The following KLHL32 variants were observed in gnomAD, a reference collection of about 807,000 sequenced individuals.
The protein encoded by KLHL32 is kelch-like protein 32.
A neutral mutation model predicts 64.8 loss-of-function variants in KLHL32; 35 were observed. That is an observed-to-expected ratio of 0.54 (90% CI 0.41 to 0.72). The LOEUF (loss-of-function observed/expected upper bound fraction) is 0.72. Among genes scored for constraint, KLHL32 ranks in the 30% least tolerant of loss-of-function variants. The probability of loss-of-function intolerance (pLI) is 0.00; values close to 1 mark genes in which losing one functional copy is unlikely to be tolerated. For synonymous variants in KLHL32, 259 were observed against 281.0 expected (o/e 0.92, Z 0.78); for missense variants, 589 against 768.5 (o/e 0.77, Z 2.76).
the KLHL32 span, among the ~76,000 whole-genome samples, chr6:96,904,468 T>G: frequency 1.3e-5 from 2 of 152,084 alleles, no homozygotes; most frequent in African/African-American, 4.8e-5. Context: ...AACTAAAACT[T>G]AGTAAACCAC....
At chr6:96,942,002 A>C (rs1771349207) in intron 1 of KLHL32, among the ~76,000 whole-genome samples, 2 of 152,336 alleles carry the variant, frequency 1.3e-5, no homozygotes, top group East Asian at 3.9e-4. Flanking sequence ...AAAGACTGGC[A>C]TATGTACTGT....
At chr6:97,027,316 C>T (rs1782870086) in intron 3 of KLHL32, among the ~76,000 whole-genome samples, 1 of 152,200 alleles carries the variant, frequency 6.6e-6, no homozygotes, top group East Asian at 1.9e-4. Context: ...ACCACTCTCA[C>T]TTGAGCTGGA....
intron 1 of KLHL32, among the ~76,000 whole-genome samples, chr6:96,955,423 C>T (rs11153276): frequency 0.15 from 22,423 of 151,976 alleles, 2,244 homozygotes; most frequent in Non-Finnish European, 0.23. Context: ...TTCTCTTGTT[C>T]TCTTTGATCT....
chr6:96,940,966 G>A (rs1444241231), intron 1 of KLHL32, among the ~76,000 whole-genome samples: 1 of 152,192 alleles, frequency 6.6e-6, no homozygotes, highest in African/African-American at 2.4e-5. Context: ...CGTAATAGAT[G>A]ATGTGAAATG....
intron 7 of KLHL32, among the ~76,000 whole-genome samples, chr6:97,115,921 G>A (rs1050024164): frequency 2.0e-5 from 3 of 152,080 alleles, no homozygotes; most frequent in East Asian, 1.9e-4. Context: ...CTCAATAATC[G>A]TCTCTAGTGT....
At chr6:97,034,954 C>T (rs984949795) in intron 3 of KLHL32, among the ~76,000 whole-genome samples, 4 of 152,080 alleles carry the variant, frequency 2.6e-5, no homozygotes, top group Admixed American at 6.5e-5. Flanking sequence ...GGTAATTTCA[C>T]TTTTTCCTCT....
At chr6:96,947,037 A>G (rs532980878) in intron 1 of KLHL32, among the ~76,000 whole-genome samples, 23 of 152,320 alleles carry the variant, frequency 1.5e-4, no homozygotes, top group Admixed American at 2.6e-4. Flanking sequence ...GCATTTGTAA[A>G]TGTTAAAAGA....
chr6:96,952,903 A>G (rs1331051223), intron 1 of KLHL32, among the ~76,000 whole-genome samples: 2 of 152,060 alleles, frequency 1.3e-5, no homozygotes, highest in Non-Finnish European at 2.9e-5. Context: ...TATGGCCCCC[A>G]CCCAGAGGCT....
chr6:96,904,439 A>G, the KLHL32 span, among the ~76,000 whole-genome samples: 1 of 152,134 alleles, frequency 6.6e-6, no homozygotes, highest in Non-Finnish European at 1.5e-5. Context: ...ATCTCGAAAT[A>G]AACTTGAAAT....
intron 6 of KLHL32, among the ~76,000 whole-genome samples, chr6:97,108,068 C>G (rs1796648219): frequency 6.6e-6 from 1 of 152,156 alleles, no homozygotes; most frequent in East Asian, 1.9e-4. Context: ...AAATGACGGT[C>G]TGCTGTGTTG....
At chr6:97,051,583 T>C (rs890907355) in intron 4 of KLHL32, among the ~76,000 whole-genome samples, 4 of 152,170 alleles carry the variant, frequency 2.6e-5, no homozygotes, top group Non-Finnish European at 5.9e-5. Context: ...GCATCTGAGA[T>C]TTTTACTTTG....
At chr6:97,007,644 T>A (rs754305529) in intron 3 of KLHL32, among the ~76,000 whole-genome samples, 38 of 152,304 alleles carry the variant, frequency 2.5e-4, no homozygotes, top group Middle Eastern at 3.4e-3. Context: ...GTTGCTGTCC[T>A]TTGGATGAGG....
At chr6:97,039,192 ATAT>A (rs1270985906) in intron 3 of KLHL32, among the ~76,000 whole-genome samples, 1 of 152,198 alleles carries the variant, frequency 6.6e-6, no homozygotes, top group African/African-American at 2.4e-5. Flanking sequence ...ACCCAAAGAA[ATAT>A]TATTTAGCCA....
At chr6:97,084,502 A>T (rs989945222) in intron 5 of KLHL32, among the ~76,000 whole-genome samples, 2 of 152,340 alleles carry the variant, frequency 1.3e-5, no homozygotes, top group Non-Finnish European at 2.9e-5. Context: ...AAAAACAAAG[A>T]ACAATTACAA....
chr6:97,100,197 G>A (rs1795524689), intron 6 of KLHL32, among the ~76,000 whole-genome samples: 2 of 152,088 alleles, frequency 1.3e-5, no homozygotes, highest in South Asian at 2.1e-4. Context: ...ACTCACAGGT[G>A]TTACAAAGTA....
intron 6 of KLHL32, among the ~76,000 whole-genome samples, chr6:97,105,987 G>A (rs1051661419): frequency 1.3e-5 from 2 of 152,032 alleles, no homozygotes; most frequent in East Asian, 1.9e-4. Context: ...TCTGGAAATC[G>A]GAGAATAACA....
At chr6:97,002,796 G>GACATGATTTCTTTCATTTT (rs1160619558) in intron 3 of KLHL32, among the ~76,000 whole-genome samples, 1 of 151,996 alleles carries the variant, frequency 6.6e-6, no homozygotes, top group Non-Finnish European at 1.5e-5. Flanking sequence ...TTCTGCAAAG[G>GACATGATTTCTTTCATTTT]ACATGATTTC....
chr6:97,138,581 C>T (rs1800327290), intron 10 of KLHL32, among the ~76,000 whole-genome samples: 1 of 151,522 alleles, frequency 6.6e-6, no homozygotes, highest in Non-Finnish European at 1.5e-5. Flanking sequence ...ACAAACAAAA[C>T]AAACAAAAAA....
Position 97,041,520 on chromosome 6 carries a change from G to A in KLHL32, c.233G>A (p.Ser78Asn), listed in dbSNP as rs1277876776. The A allele has an allele frequency of 1.9e-6, 3 of 1,613,814 alleles. No individual in the cohort carries two copies. Among genetic ancestry groups the A allele is most frequent in the Non-Finnish European group, 1.7e-6 (2 of 1,179,768 alleles). The stretch of plus-strand genomic sequence containing the variant: ...ATGTTCAGTCTTTGTATGGTGGAAA[G>A]TGGAGCTGATGAGGTTAATTTGCAC... ...RAMFSLCMVE[S>N]GADEVNLHGV... is the part of the protein sequence containing the mutation. Residue 78 changes from serine (S) to asparagine (N), a missense_variant, in exon 4 of 11, where the codon AGT (serine) becomes AAT (asparagine). Transcript: ENST00000369261.
Sources: allele counts gnomAD v4.1 joint callset (sites outside exome capture counted in the v4.1 genomes callset), GRCh38; gene constraint gnomAD v4.1.1; transcripts MANE v1.5; gene names NCBI Gene and HGNC (gene_info 2026-07-23, HGNC 2026-07-21).